Variants in TOP2B observed in about 807,000 individuals in gnomAD.
TOP2B encodes the protein DNA topoisomerase II beta.
Under a neutral mutation model 193.5 loss-of-function variants are expected in TOP2B, and 51 were observed. The observed-to-expected ratio is 0.26, with a 90% CI of 0.21 to 0.33. TOP2B has a LOEUF of 0.33. TOP2B is among the 10% of genes least tolerant of loss of function. TOP2B has a pLI of 1.00. For synonymous variants in TOP2B, 634 were observed against 635.7 expected (o/e 1.00, Z 0.04); for missense variants, 1,378 against 1,909.3 (o/e 0.72, Z 5.19).
At chr3:25,632,270 A>G (rs1251193024) in intron 10 of TOP2B, among the ~76,000 whole-genome samples, 176 bp downstream of exon 10, 1 of 152,060 alleles carries the variant, frequency 6.6e-6, no homozygotes, top group Non-Finnish European at 1.5e-5. Flanking sequence ...TTGTTTTAGG[A>G]AACATTAAAG....
chr3:25,640,559 C>G (rs1179605723), intron 4 of TOP2B, among the ~76,000 whole-genome samples: 1 of 151,990 alleles, frequency 6.6e-6, no homozygotes, highest in African/African-American at 2.4e-5. Context: ...ATAATTTTCC[C>G]TCCCTCTTCT....
chr3:25,638,685 T>A (rs1467542244), intron 4 of TOP2B, among the ~76,000 whole-genome samples: 2 of 152,032 alleles, frequency 1.3e-5, no homozygotes, highest in Non-Finnish European at 2.9e-5. Flanking sequence ...TTCTGTAAGT[T>A]AATTATCTTC....
rs2125380659 is a variant in TOP2B, at chr3:25,632,597, AC to A, written c.1129-15del. ...ATGGTTTTTTACCTGTTGAAAACAT[AC>A]CCAAAAAAGTCAATATCAGAGCTGA... On this transcript the variant is annotated splice_polypyrimidine_tract_variant and intron_variant, in intron 9 of 35. Transcript: ENST00000264331. The A allele has an allele frequency of 1.2e-6, 2 of 1,600,546 alleles. No individual in the cohort carries two copies. The highest frequency in any genetic ancestry group is 1.1e-5 in the South Asian group (1 of 87,650).
At chr3:25,642,173 C>A (rs1355967840) in intron 4 of TOP2B, 149 bp downstream of exon 4, 3 of 485,896 alleles carry the variant, frequency 6.2e-6, no homozygotes, top group Non-Finnish European at 1.1e-5. Flanking sequence ...CAATAAATGA[C>A]ACAGAAAAGA....
intron 7 of TOP2B, among the ~76,000 whole-genome samples, chr3:25,635,385 G>T (rs1703077988): frequency 6.6e-6 from 1 of 152,164 alleles, no homozygotes; most frequent in African/African-American, 2.4e-5. Flanking sequence ...ATCAGAAACA[G>T]AGTAAGTATC....
In TOP2B at chr3:25,619,971, G is replaced by C; in HGVS notation, c.2954C>G (p.Thr985Arg). 6 of 1,610,994 alleles carry C rather than the reference G, an allele frequency of 3.7e-6. No homozygotes were observed. Among genetic ancestry groups the C allele is most frequent in the Non-Finnish European group, 5.1e-6 (6 of 1,177,962 alleles). Residue 985 changes from threonine to arginine, a missense_variant, in exon 23 of 36, where the codon ACA becomes AGA. By Grantham distance (71) the Thr-to-Arg change is moderately conservative (BLOSUM62 -1). This residue lies in a region of TOP2B where 379 missense variants were observed against 615.1 expected (regional missense o/e 0.62). Coordinates refer to ENST00000264331, the MANE Select transcript of TOP2B (RefSeq NM_001330700.2). ...CATTTTCACCACAAATTTCACAGTT[G>C]TGTCAGTATGATATTCTTTATAATC... ...ISDYKEYHTD[T>R]TVKFVVKMTE...
In TOP2B at chr3:25,606,041, A is replaced by G; in HGVS notation, c.4378+2T>C. On this transcript the variant is annotated splice_donor_variant, in intron 32 of 35. Transcript: ENST00000264331. LOFTEE classifies it high-confidence loss of function. ...ACCAATGAAAAGACTAAATGAACATACCATCTTCTGACTTCTGAGAATATG... is the reference window on the plus strand; with the variant it reads ...ACCAATGAAAAGACTAAATGAACATGCCATCTTCTGACTTCTGAGAATATG... 1 of 1,465,510 alleles carries G rather than the reference A, an allele frequency of 6.8e-7. No homozygotes were observed. Among genetic ancestry groups the G allele is most frequent in the Non-Finnish European group, 9.2e-7 (1 of 1,091,910 alleles). The allele number at this position is 1,465,510 out of a possible 1,614,324, so 90.8% of individuals were successfully genotyped here. A position where few individuals can be genotyped will look rare whatever the true frequency, so the allele number is the denominator to read the frequency against.
intron 1 of TOP2B, among the ~76,000 whole-genome samples, chr3:25,659,836 G>A (rs1703857809): frequency 6.6e-6 from 1 of 152,152 alleles, no homozygotes; most frequent in African/African-American, 2.4e-5. Flanking sequence ...AAAGTTGAAG[G>A]CTGTGTAAAT....
At chr3:25,605,866 G>C (rs1702225470) in intron 32 of TOP2B, among the ~76,000 whole-genome samples, 177 bp downstream of exon 32, 1 of 151,912 alleles carries the variant, frequency 6.6e-6, no homozygotes, top group South Asian at 2.1e-4. Flanking sequence ...CAATTAGTTA[G>C]GAATCACCTC....
At chr3:25,607,997 C>T (rs1575562736) in intron 30 of TOP2B, among the ~76,000 whole-genome samples, 1 of 152,066 alleles carries the variant, frequency 6.6e-6, no homozygotes, top group African/African-American at 2.4e-5. Context: ...GTTACCCAGG[C>T]TGGTCTTGAA....
chr3:25,645,231 T>G, intron 2 of TOP2B, 69 bp downstream of exon 2: 2 of 1,348,000 alleles, frequency 1.5e-6, no homozygotes, highest in Non-Finnish European at 2.0e-6. Context: ...TACAATAATT[T>G]TATCAACATA....
At chr3:25,631,362 AAAAGGAACATTAGGAT>A (rs1373216202) in intron 10 of TOP2B, among the ~76,000 whole-genome samples, 1 of 152,102 alleles carries the variant, frequency 6.6e-6, no homozygotes, top group African/African-American at 2.4e-5. Context: ...GTATTAACCT[AAAAGGAACATTAGGAT>A]AACCTTGGTA....
In TOP2B at chr3:25,598,293, T is replaced by C. The variant is rs777410010; in HGVS notation, c.*14A>G. The stretch of plus-strand genomic sequence containing the variant: ...CAAGATATTTGTTGAAAAATGTTTG[T>C]GCTCTTTGGGCACTTAATTAAACAT... On this transcript the variant is annotated 3_prime_UTR_variant, in exon 36 of 36. Transcript: ENST00000264331. 1 of 1,589,084 alleles carries C rather than the reference T, an allele frequency of 6.3e-7. No individual in the cohort carries two copies. The highest frequency in any genetic ancestry group is 8.6e-7 in the Non-Finnish European group (1 of 1,164,690).
chr3:25,664,360 C>T lies in TOP2B; in HGVS notation c.-63G>A, dbSNP rs1704023332. The T allele has an allele frequency of 6.5e-6, 9 of 1,386,640 alleles. No homozygotes were observed. The highest frequency in any genetic ancestry group is 1.5e-5 in the African/African-American group (1 of 65,338). 85.9% of individuals were successfully genotyped at this position (1,386,640 alleles called of 1,614,324 possible). A position where few individuals can be genotyped will look rare whatever the true frequency, so the allele number is the denominator to read the frequency against. ...CCGCCGCTCCCGCCTCCCTGCGGGCCGCTGGGCCCCGCCGCTCCGCACCCA... is the reference window on the plus strand; with the variant it reads ...CCGCCGCTCCCGCCTCCCTGCGGGCTGCTGGGCCCCGCCGCTCCGCACCCA... On this transcript the variant is annotated 5_prime_UTR_variant, in exon 1 of 36. Coordinates refer to ENST00000264331, the MANE Select transcript of TOP2B (RefSeq NM_001330700.2).
chr3:25,664,641 T>TGCGAGCC lies in TOP2B; in HGVS notation c.-351_-345dup. ...TGCAGGCCGGGCTGAAGCCCGGGCG[T>TGCGAGCC]GCGAGCCGCGAGGGCGGCCGGGGAG... On this transcript the variant is annotated 5_prime_UTR_variant, in exon 1 of 36. Transcript: ENST00000264331. The TGCGAGCC allele has an allele frequency of 1.0e-6, 1 of 989,256 alleles. No homozygotes were observed. Among genetic ancestry groups the TGCGAGCC allele is most frequent in the Non-Finnish European group, 1.2e-6 (1 of 833,064 alleles). The allele number at this position is 989,256 out of a possible 1,614,324, so 61.3% of individuals were successfully genotyped here.
In TOP2B at chr3:25,635,414, G is replaced by A. The variant is rs576933227; in HGVS notation, c.852+522C>T. ...AAGTATCTCACAGATTTTGTAACAT[G>A]TATCAGATAAAGTATTTTAAATAAC... On this transcript the variant is annotated intron_variant, in intron 7 of 35. Transcript: ENST00000264331. Among the ~76,000 whole-genome samples, 3 of 152,282 alleles carry A rather than the reference G, an allele frequency of 2.0e-5. No individual in the cohort carries two copies. In the South Asian group the frequency reaches 6.2e-4, roughly 32 times the overall value.
chr3:25,600,997 A>C, intron 34 of TOP2B, 103 bp downstream of exon 34: 2 of 1,316,066 alleles, frequency 1.5e-6, no homozygotes, highest in Non-Finnish European at 1.0e-6. Flanking sequence ...AAGCAATTTA[A>C]AACAAAATAG....
At chr3:25,598,498 TTTAAAAGTTA>T (rs762991409) in intron 35 of TOP2B, 21 bp from the exon 36 acceptor site, 49 of 1,546,548 alleles carry the variant, frequency 3.2e-5, no homozygotes, top group Admixed American at 2.9e-4. Flanking sequence ...TTTCAATAGA[TTTAAAAGTTA>T]TGAAAGGAAG....
At chr3:25,625,754 T>C (rs1702784830) in intron 18 of TOP2B, among the ~76,000 whole-genome samples, 1 of 152,202 alleles carries the variant, frequency 6.6e-6, no homozygotes, top group African/African-American at 2.4e-5. Flanking sequence ...CTTTTCAGTA[T>C]ATGCTATCAC....
Sources: gnomAD v4.1 joint callset for allele counts (sites outside exome capture counted in the v4.1 genomes callset) on GRCh38, gnomAD v4.1.1 for gene constraint, gnomAD v4.1.1 regional missense constraint, MANE v1.5 for transcripts, NCBI Gene and HGNC (gene_info 2026-07-23, HGNC 2026-07-21) for gene names.